The following GABRB3 variants were observed in gnomAD, a reference collection of about 807,000 sequenced individuals.
GABRB3 encodes gamma-aminobutyric acid receptor subunit beta-3.
Under a neutral mutation model 52.1 loss-of-function variants are expected in GABRB3, and 14 were observed. The ratio of observed to expected loss-of-function variants is 0.27; its 90% CI spans 0.18 to 0.42. GABRB3 has a LOEUF of 0.42. GABRB3 is among the 10% of genes least tolerant of loss of function. The pLI is 1.00. For synonymous variants in GABRB3, 260 were observed against 232.3 expected, an observed-to-expected ratio of 1.12 and a Z score of -1.08; for missense variants, 307 against 609.1, an observed-to-expected ratio of 0.50 and a Z score of 5.22.
rs112252235 is a variant in GABRB3, at chr15:26,573,683, C to T, written c.683-5950G>A. 6.2e-4 allele frequency among the ~76,000 whole-genome samples: 95 copies of T among 152,264 alleles called. 1 individual carries two copies. Among genetic ancestry groups the T allele is most frequent in the African/African-American group, 2.1e-3 (86 of 41,550 alleles). ...AAAACAGTTATGCTCCAAAGTGTAC[C>T]GTCAAGACAACCTACAGAATGGGAG... is the stretch of plus-strand genomic sequence containing the variant. On this transcript the variant is annotated intron_variant, in intron 6 of 8. Coordinates refer to ENST00000311550, the MANE Select transcript of GABRB3 (RefSeq NM_000814.6).
At chr15:26,646,739 C>T (rs1240996851) in intron 3 of GABRB3, among the ~76,000 whole-genome samples, 1 of 152,168 alleles carries the variant, frequency 6.6e-6, no homozygotes, top group Non-Finnish European at 1.5e-5. Flanking sequence ...TTATGGTCAT[C>T]CTAGCTGGAA....
intron 7 of GABRB3, among the ~76,000 whole-genome samples, 177 bp downstream of exon 7, chr15:26,567,404 T>G (rs1023564515): frequency 2.6e-5 from 4 of 152,212 alleles, no homozygotes; most frequent in African/African-American, 7.2e-5. Context: ...GTAATTAAAT[T>G]AACACATCAA....
At chr15:26,740,574 A>G (rs1398532402) in intron 3 of GABRB3, among the ~76,000 whole-genome samples, 1 of 152,078 alleles carries the variant, frequency 6.6e-6, no homozygotes, top group East Asian at 1.9e-4. Context: ...CCTCCTCTGG[A>G]GCACCCAAGG....
chr15:26,734,282 C>T (rs1305481301), intron 3 of GABRB3, among the ~76,000 whole-genome samples: 3 of 151,892 alleles, frequency 2.0e-5, no homozygotes, highest in Non-Finnish European at 4.4e-5. Flanking sequence ...CCGCCTGCCT[C>T]GGCCTCCCAA....
intron 3 of GABRB3, 104 bp downstream of exon 3, chr15:26,772,298 C>T (rs1891170560): frequency 2.9e-6 from 3 of 1,033,582 alleles, no homozygotes; most frequent in South Asian, 2.9e-5. Flanking sequence ...ACCGGGGAAA[C>T]TCGGCCCCGG....
rs1324800797 is a variant in GABRB3, at chr15:26,621,801, T to C, written c.241-267A>G. Among the ~76,000 whole-genome samples, 1 of 152,204 alleles carries C rather than the reference T, an allele frequency of 6.6e-6. No homozygotes were observed. Among genetic ancestry groups the C allele is most frequent in the Non-Finnish European group, 1.5e-5 (1 of 68,040 alleles). On this transcript the variant is annotated intron_variant, in intron 3 of 8. Coordinates refer to ENST00000311550, the MANE Select transcript of GABRB3 (RefSeq NM_000814.6). The surrounding 1 kb of genome is among the most constrained non-coding windows in gnomAD (Gnocchi z 4.1). ...GAAGCAGACTAGACAAACTGGCATT[T>C]AACAGATAACAGCATAGAAATAAAC...
intron 7 of GABRB3, among the ~76,000 whole-genome samples, chr15:26,565,859 A>C (rs1890153414): frequency 6.6e-6 from 1 of 152,146 alleles, no homozygotes; most frequent in Non-Finnish European, 1.5e-5. Flanking sequence ...CCACTTTCAT[A>C]CGCCTCTTCT....
intron 3 of GABRB3, among the ~76,000 whole-genome samples, chr15:26,630,751 C>T (rs1050582017): frequency 6.6e-6 from 1 of 152,174 alleles, no homozygotes; most frequent in Non-Finnish European, 1.5e-5. Context: ...GCCCTCTCCA[C>T]AGAAAATACA....
intron 3 of GABRB3, among the ~76,000 whole-genome samples, chr15:26,653,213 A>C (rs1199688012): frequency 2.0e-5 from 3 of 152,192 alleles, no homozygotes; most frequent in Admixed American, 1.3e-4. Flanking sequence ...AAACTAACAA[A>C]TTCACCACAA....
rs558490534 is a variant in GABRB3, at chr15:26,731,012, G to A, written c.240+41390C>T. The stretch of plus-strand genomic sequence containing the variant: ...GTGTGATCTTTTCAGCCACTGCTGC[G>A]AAGTCTTATTTTCAGCAACACCAGT... On this transcript the variant is annotated intron_variant, in intron 3 of 8. Coordinates refer to ENST00000311550, the MANE Select transcript of GABRB3 (RefSeq NM_000814.6). 1.8e-4 allele frequency among the ~76,000 whole-genome samples: 28 copies of A among 152,144 alleles called. No homozygotes were observed. In the South Asian group the frequency reaches 5.4e-3, roughly 29 times the overall value.
At chr15:26,586,560 T>C (rs1245524946) in intron 4 of GABRB3, among the ~76,000 whole-genome samples, 1 of 151,646 alleles carries the variant, frequency 6.6e-6, no homozygotes, top group Non-Finnish European at 1.5e-5. Context: ...GTACACCAAG[T>C]ACAGTAGCTG....
At chr15:26,650,653 C>T (rs1202104549) in intron 3 of GABRB3, among the ~76,000 whole-genome samples, 1 of 151,934 alleles carries the variant, frequency 6.6e-6, no homozygotes, top group Non-Finnish European at 1.5e-5. Context: ...TCTGATTGAT[C>T]CCCACCCTTC....
chr15:26,773,532 C>T, upstream of GABRB3: 1 of 714,788 alleles, frequency 1.4e-6, no homozygotes, highest in Non-Finnish European at 2.1e-6. Context: ...ACGACGACCA[C>T]CGCCCGCTGC....
chr15:26,578,129 C>G (rs1212219399), intron 6 of GABRB3, among the ~76,000 whole-genome samples: 1 of 152,120 alleles, frequency 6.6e-6, no homozygotes, highest in East Asian at 1.9e-4. Context: ...GCTAGAAAGT[C>G]CTTCAATCTT....
chr15:26,757,643 C>T (rs1872066701), intron 3 of GABRB3, among the ~76,000 whole-genome samples: 1 of 152,190 alleles, frequency 6.6e-6, no homozygotes, highest in African/African-American at 2.4e-5. Flanking sequence ...ATACACTAAT[C>T]AACACGGAGC....
At chr15:26,592,472 T>G (rs1891243363) in intron 4 of GABRB3, among the ~76,000 whole-genome samples, 1 of 152,082 alleles carries the variant, frequency 6.6e-6, no homozygotes, top group Non-Finnish European at 1.5e-5. Flanking sequence ...GTTGAAAAAT[T>G]TAGATGACCT....
chr15:26,773,298 ACTCGGAC>A (rs1334191905), upstream of GABRB3, among the ~76,000 whole-genome samples: 2 of 149,642 alleles, frequency 1.3e-5, no homozygotes, highest in African/African-American at 2.4e-5. Flanking sequence ...GCCGCACGGG[ACTCGGAC>A]CTCTGGGACC....
intron 3 of GABRB3, among the ~76,000 whole-genome samples, chr15:26,623,505 A>G (rs968506865): frequency 6.6e-6 from 1 of 151,914 alleles, no homozygotes; most frequent in African/African-American, 2.4e-5. Context: ...CATGCAAACC[A>G]ACCAGTCCAG....
chr15:26,639,442 A>T (rs2140569555), intron 3 of GABRB3, among the ~76,000 whole-genome samples: 1 of 152,194 alleles, frequency 6.6e-6, no homozygotes, highest in East Asian at 1.9e-4. Flanking sequence ...TTTACATGGC[A>T]TTTACATTTT....
Sources: allele counts gnomAD v4.1 joint callset (sites outside exome capture counted in the v4.1 genomes callset), GRCh38; gene constraint gnomAD v4.1.1; non-coding constraint Gnocchi (gnomAD v3.1); transcripts MANE v1.5; gene names NCBI Gene and HGNC (gene_info 2026-07-23, HGNC 2026-07-21).